The following RYR2 variants were observed in gnomAD, a reference collection of about 807,000 sequenced individuals.
RYR2 encodes cardiac muscle ryanodine receptor-calcium release channel.
In RYR2, 227 loss-of-function variants were observed where a neutral mutation model predicts 601.1. That is an observed-to-expected ratio of 0.38 (90% CI 0.34 to 0.42). The LOEUF (loss-of-function observed/expected upper bound fraction) is 0.42, where lower values mean the gene tolerates loss of function less well. RYR2 is among the 10% of genes least tolerant of loss of function. The pLI is 1.00. For synonymous variants in RYR2, 2,223 were observed against 2,175.1 expected, an observed-to-expected ratio of 1.02 and a Z score of -0.61; for missense variants, 4,646 against 6,156.5, an observed-to-expected ratio of 0.75 and a Z score of 8.21.
chr1:237,666,095 T>A (rs1684304431), intron 56 of RYR2, among the ~76,000 whole-genome samples: 1 of 152,256 alleles, frequency 6.6e-6, no homozygotes, highest in East Asian at 1.9e-4. Flanking sequence ...AAAAGTTGGT[T>A]ATACTTTATC....
chr1:237,788,214 C>A (rs1657896905), intron 92 of RYR2, 79 bp downstream of exon 92: 1 of 1,187,402 alleles, frequency 8.4e-7, no homozygotes, highest in Non-Finnish European at 1.2e-6. Context: ...TGTTTGCTGA[C>A]CTCTCCCTGA....
intron 58 of RYR2, among the ~76,000 whole-genome samples, chr1:237,673,154 C>A (rs2148904430): frequency 6.6e-6 from 1 of 152,278 alleles, no homozygotes; most frequent in Non-Finnish European, 1.5e-5. Flanking sequence ...TCCTGGAATT[C>A]CCTTAGCAGT....
chr1:237,783,807 T>G lies in RYR2; in HGVS notation c.12095T>G (p.Phe4032Cys), dbSNP rs1695322748. Reference protein sequence around the residue: ...KLKDLTSSDTFKEYDPDGKGV... With the variant: ...KLKDLTSSDTCKEYDPDGKGV... ...AAGGATTTGACGTCGTCTGATACTT[T>G]TAAAGAATATGACCCCGATGGCAAG... Residue 4032 changes from phenylalanine (F) to cysteine (C), a missense_variant, in exon 90 of 105, where the codon TTT becomes TGT. Around this residue, in one of 17 missense-constraint regions of RYR2, gnomAD observed 66 missense variants for 80.7 expected, o/e 0.82. Coordinates refer to ENST00000366574, the MANE Select transcript of RYR2 (RefSeq NM_001035.3). 2 of 1,613,788 alleles carry G rather than the reference T, an allele frequency of 1.2e-6. No homozygotes were observed. Among genetic ancestry groups the G allele is most frequent in the Non-Finnish European group, 8.5e-7 (1 of 1,179,824 alleles).
chr1:237,148,559 C>CATATATATATATATATATAT, intron 1 of RYR2, among the ~76,000 whole-genome samples: 1 of 109,306 alleles, frequency 9.1e-6, no homozygotes, highest in Non-Finnish European at 2.0e-5. Context: ...TATATACACA[C>CATATATATATATATATATAT]ACACATATAT....
At chr1:237,368,099 G>A (rs1375064236) in intron 5 of RYR2, among the ~76,000 whole-genome samples, 1 of 152,104 alleles carries the variant, frequency 6.6e-6, no homozygotes, top group Non-Finnish European at 1.5e-5. Flanking sequence ...AGAGAAGGTA[G>A]TCTTTAATCA....
chr1:237,314,257 G>A (rs893024888), intron 2 of RYR2, among the ~76,000 whole-genome samples: 2 of 151,696 alleles, frequency 1.3e-5, no homozygotes, highest in African/African-American at 4.8e-5. Flanking sequence ...TTAGAGACAG[G>A]GTTTCACCAT....
Position 237,726,323 on chromosome 1 carries a change from C to CA in RYR2, c.10725+17dup, listed in dbSNP as rs1336874992. 4 of 1,537,422 alleles carry CA rather than the reference C, an allele frequency of 2.6e-6. No homozygotes were observed. The African/African-American group carries it at 5.5e-5, about 21-fold the overall frequency. On this transcript the variant is annotated intron_variant, in intron 75 of 104. Coordinates refer to ENST00000366574, the MANE Select transcript of RYR2 (RefSeq NM_001035.3). ...ATTACTGTCTGGGAAGTACAGTGCTCAATGGCCTAGAGATTACTAATTAAT... is the reference window on the plus strand; with the variant it reads ...ATTACTGTCTGGGAAGTACAGTGCTCAAATGGCCTAGAGATTACTAATTAAT...
intron 47 of RYR2, among the ~76,000 whole-genome samples, chr1:237,641,239 A>G (rs180871375): frequency 3.3e-5 from 5 of 152,352 alleles, no homozygotes; most frequent in Admixed American, 3.3e-4. Flanking sequence ...TTACTCATAT[A>G]TCTCTGAAAC....
At chr1:237,310,580 C>T (rs1030995290) in intron 2 of RYR2, among the ~76,000 whole-genome samples, 1 of 152,138 alleles carries the variant, frequency 6.6e-6, no homozygotes, top group South Asian at 2.1e-4. Context: ...CCCTCCAGCC[C>T]ACTTTACCCC....
rs1271545670 is a variant in RYR2, at chr1:237,596,029, C to G, written c.4596+372C>G. Among the ~76,000 whole-genome samples the G allele has an allele frequency of 2.0e-5, 3 of 152,170 alleles. No individual in the cohort carries two copies. In the East Asian group the frequency reaches 5.8e-4, roughly 29 times the overall value. ...CAGTGTATCCTACCCAACCGGTACC[C>G]TAGAACCCATCTACAGGAAAAGCTA... On this transcript the variant is annotated intron_variant, in intron 34 of 104. Coordinates refer to ENST00000366574, the MANE Select transcript of RYR2 (RefSeq NM_001035.3).
In RYR2 at chr1:237,626,717, G is replaced by A. The variant is rs556093127; in HGVS notation, c.6166+913G>A. Among the ~76,000 whole-genome samples the A allele has an allele frequency of 4.0e-5, 6 of 148,922 alleles. No individual in the cohort carries two copies. The South Asian group carries it at 1.1e-3, about 27-fold the overall frequency. On this transcript the variant is annotated intron_variant, in intron 40 of 104. Transcript: ENST00000366574. ...GCCTCCTGAGTAGCTGGAATTACAG[G>A]CATGCACCAAGACGCCTGATTAGTT...
intron 1 of RYR2, among the ~76,000 whole-genome samples, chr1:237,059,976 A>G (rs1662644854): frequency 6.6e-6 from 1 of 152,198 alleles, no homozygotes; most frequent in East Asian, 1.9e-4. Context: ...AATGGTTTCC[A>G]CATAGTTATT....
At chr1:237,382,747 A>G (rs923309712) in intron 8 of RYR2, among the ~76,000 whole-genome samples, 2 of 152,138 alleles carry the variant, frequency 1.3e-5, no homozygotes, top group Non-Finnish European at 2.9e-5. Context: ...GTGTGAAAAT[A>G]ATGATAAAAG....
intron 1 of RYR2, among the ~76,000 whole-genome samples, chr1:237,074,599 T>C (rs1198020327): frequency 2.0e-5 from 3 of 152,190 alleles, no homozygotes; most frequent in African/African-American, 7.2e-5. Context: ...AGCCCAGACA[T>C]ATTCATGATG....
In RYR2 at chr1:237,428,437, G is replaced by A. The variant is rs1053017371; in HGVS notation, c.1005+5189G>A. Among the ~76,000 whole-genome samples, 4 of 152,168 alleles carry A rather than the reference G, an allele frequency of 2.6e-5. No individual in the cohort carries two copies. In the South Asian group the frequency reaches 6.2e-4, roughly 24 times the overall value. On this transcript the variant is annotated intron_variant, in intron 12 of 104. Transcript: ENST00000366574. ...CAGCCACAAAAAGGAATGAGATAAT[G>A]TCCTTTGAAGTGACATGGATGAAGC... is the stretch of plus-strand genomic sequence containing the variant.
intron 16 of RYR2, 71 bp downstream of exon 16, chr1:237,456,806 A>G: frequency 2.0e-6 from 3 of 1,505,314 alleles, no homozygotes; most frequent in Non-Finnish European, 2.7e-6. Flanking sequence ...ACTAGGTGTG[A>G]TGGCTCATGC....
chr1:237,346,241 C>T (rs1345082241), intron 3 of RYR2, among the ~76,000 whole-genome samples: 1 of 151,724 alleles, frequency 6.6e-6, no homozygotes, highest in Non-Finnish European at 1.5e-5. Context: ...GTGCAACGTG[C>T]CTGTAGTCCC....
At chr1:237,739,550 C>G (rs1691433612) in intron 79 of RYR2, among the ~76,000 whole-genome samples, 1 of 152,172 alleles carries the variant, frequency 6.6e-6, no homozygotes, top group Admixed American at 6.6e-5. Flanking sequence ...GAGTTTCCAG[C>G]TAAGGGAACT....
chr1:237,102,670 A>G (rs999735541), intron 1 of RYR2, among the ~76,000 whole-genome samples: 1 of 152,144 alleles, frequency 6.6e-6, no homozygotes, highest in Non-Finnish European at 1.5e-5. Context: ...AGCCTGGCCA[A>G]CATTGTGAAA....
Sources: gnomAD v4.1 joint callset for allele counts (sites outside exome capture counted in the v4.1 genomes callset) on GRCh38, gnomAD v4.1.1 for gene constraint, gnomAD v4.1.1 regional missense constraint, MANE v1.5 for transcripts, NCBI Gene and HGNC (gene_info 2026-07-23, HGNC 2026-07-21) for gene names.